Variants in CHODL observed in about 807,000 individuals in gnomAD.
CHODL encodes the protein chondrolectin, also known as transmembrane protein MT75.
A neutral mutation model predicts 34.5 loss-of-function variants in CHODL; 29 were observed. The ratio of observed to expected loss-of-function variants is 0.84; its 90% CI spans 0.63 to 1.15. The LOEUF is 1.15. Among genes scored for constraint, CHODL ranks in the 50% most tolerant of loss-of-function variants. CHODL has a pLI of 0.00. For missense variants in CHODL, 332 were observed against 332.5 expected (o/e 1.00, Z 0.01); for synonymous variants, 125 against 116.1 (o/e 1.08, Z -0.49).
At chr21:18,180,107 C>T (rs2073364426) in intron 2 of CHODL, among the ~76,000 whole-genome samples, 1 of 152,128 alleles carries the variant, frequency 6.6e-6, no homozygotes, top group Admixed American at 6.5e-5. Context: ...TTATAGTTAG[C>T]ATTTTGATGA....
chr21:18,227,212 C>G (rs1160529601), intron 2 of CHODL, among the ~76,000 whole-genome samples: 1 of 152,154 alleles, frequency 6.6e-6, no homozygotes, highest in Non-Finnish European at 1.5e-5. Context: ...GCCTCACCTC[C>G]TAATACCAAG....
intron 2 of CHODL, among the ~76,000 whole-genome samples, chr21:18,157,756 C>T (rs2073051137): frequency 6.6e-6 from 1 of 152,142 alleles, no homozygotes; most frequent in Non-Finnish European, 1.5e-5. Context: ...TATAGTAACA[C>T]TATTTTGCTA....
chr21:17,987,565 T>G (rs908775240), intron 1 of CHODL, among the ~76,000 whole-genome samples: 40 of 152,152 alleles, frequency 2.6e-4, no homozygotes, highest in Admixed American at 2.1e-3. Context: ...CAATTTTCAT[T>G]TTGTCCTCAT....
chr21:18,032,438 C>T (rs771191166), intron 2 of CHODL, among the ~76,000 whole-genome samples: 1 of 151,772 alleles, frequency 6.6e-6, no homozygotes, highest in South Asian at 2.1e-4. Flanking sequence ...ATTTTTGACC[C>T]AAACAATGCT....
At chr21:18,118,959 G>T (rs545469128) in intron 2 of CHODL, among the ~76,000 whole-genome samples, 2 of 152,148 alleles carry the variant, frequency 1.3e-5, no homozygotes, top group Non-Finnish European at 2.9e-5. Context: ...AGAGTCAGCC[G>T]GCCTTGCTCC....
At chr21:18,010,735 A>G (rs2064011434) in intron 1 of CHODL, among the ~76,000 whole-genome samples, 1 of 152,240 alleles carries the variant, frequency 6.6e-6, no homozygotes, top group Admixed American at 6.5e-5. Flanking sequence ...AAACCACTTA[A>G]AAACAAACTT....
At chr21:18,023,458 G>C (rs1312927669) in intron 1 of CHODL, among the ~76,000 whole-genome samples, 1 of 152,108 alleles carries the variant, frequency 6.6e-6, no homozygotes, top group Non-Finnish European at 1.5e-5. Context: ...CCAGGGACCA[G>C]TGCTGAGCTT....
chr21:18,015,663 TG>T (rs554238628), intron 1 of CHODL, among the ~76,000 whole-genome samples: 23 of 152,310 alleles, frequency 1.5e-4, no homozygotes, highest in East Asian at 1.4e-3. Context: ...ACTCATTGAA[TG>T]GTTGTGACCA....
At chr21:17,933,546 C>T (rs767351218) in intron 1 of CHODL, among the ~76,000 whole-genome samples, 1 of 152,086 alleles carries the variant, frequency 6.6e-6, no homozygotes, top group Non-Finnish European at 1.5e-5. Flanking sequence ...TCAGAGAGCA[C>T]GGGGTTGGGG....
chr21:18,234,192 G>C (rs1377707424), intron 2 of CHODL, among the ~76,000 whole-genome samples: 1 of 152,104 alleles, frequency 6.6e-6, no homozygotes, highest in Non-Finnish European at 1.5e-5. Flanking sequence ...CTTTTACTCT[G>C]TGACCGCCAT....
chr21:17,964,538 G>C (rs1440666316), intron 1 of CHODL, among the ~76,000 whole-genome samples: 1 of 152,096 alleles, frequency 6.6e-6, no homozygotes, highest in African/African-American at 2.4e-5. Context: ...TATATTTGTG[G>C]GTAGTGTTGC....
chr21:17,981,894 A>G (rs1348611746), intron 1 of CHODL, among the ~76,000 whole-genome samples: 1 of 152,248 alleles, frequency 6.6e-6, no homozygotes, highest in East Asian at 1.9e-4. Context: ...AGACAAATGA[A>G]AATGTATGAA....
intron 2 of CHODL, among the ~76,000 whole-genome samples, chr21:18,195,562 TTG>T (rs2073577401): frequency 6.6e-6 from 1 of 152,210 alleles, no homozygotes; most frequent in Non-Finnish European, 1.5e-5. Flanking sequence ...CATGTGGTAT[TTG>T]TCTTTCTGTG....
intron 2 of CHODL, among the ~76,000 whole-genome samples, chr21:18,039,292 G>A (rs1700682153): frequency 6.6e-6 from 1 of 151,702 alleles, no homozygotes; most frequent in African/African-American, 2.4e-5. Context: ...TATTTTGATT[G>A]TTCATGATAA....
At chr21:18,045,483 A>T (rs938252248) in intron 2 of CHODL, among the ~76,000 whole-genome samples, 1 of 151,972 alleles carries the variant, frequency 6.6e-6, no homozygotes, top group Non-Finnish European at 1.5e-5. Context: ...AGTTGCCATA[A>T]GCCAAGGAAT....
intron 2 of CHODL, among the ~76,000 whole-genome samples, chr21:18,126,962 A>G (rs2065553496): frequency 6.6e-6 from 1 of 152,212 alleles, no homozygotes; most frequent in South Asian, 2.1e-4. Context: ...AGATAAATTG[A>G]TGGCCAAATG....
At chr21:18,081,653 C>G (rs938070910) in intron 2 of CHODL, among the ~76,000 whole-genome samples, 15 of 150,510 alleles carry the variant, frequency 1.0e-4, no homozygotes, top group Admixed American at 9.3e-4. Flanking sequence ...TGCACTCCAG[C>G]CTGGGCAAGA....
At chr21:18,255,616 A>G (rs1437536684) in intron 1 of CHODL, among the ~76,000 whole-genome samples, 1 of 152,142 alleles carries the variant, frequency 6.6e-6, no homozygotes, top group African/African-American at 2.4e-5. Context: ...ACAACCATTG[A>G]TAAGATTTTA....
At chr21:18,163,819 A>G (rs1568918208) in intron 2 of CHODL, among the ~76,000 whole-genome samples, 2 of 152,282 alleles carry the variant, frequency 1.3e-5, no homozygotes, top group South Asian at 2.1e-4. Flanking sequence ...CTTTCACTAT[A>G]AAGAGAAGCC....
Sources: allele counts gnomAD v4.1 joint callset (sites outside exome capture counted in the v4.1 genomes callset), GRCh38; gene constraint gnomAD v4.1.1; transcripts MANE v1.5; gene names NCBI Gene and HGNC (gene_info 2026-07-23, HGNC 2026-07-21).